The following INO80D variants were observed in gnomAD, a reference collection of about 807,000 sequenced individuals.
INO80D encodes the protein INO80 complex subunit D.
In INO80D, 21 loss-of-function variants were observed where a neutral mutation model predicts 87.6. The ratio of observed to expected loss-of-function variants is 0.24; its 90% CI spans 0.17 to 0.35. The LOEUF is 0.35. Ranked by LOEUF, INO80D falls within the 10% of genes least tolerant of loss-of-function variation. INO80D has a pLI of 1.00. For synonymous variants in INO80D, 440 were observed against 491.0 expected (o/e 0.90, Z 1.37); for missense variants, 982 against 1,280.7 (o/e 0.77, Z 3.56).
chr2:206,020,119 C>G (rs934852428), intron 6 of INO80D, among the ~76,000 whole-genome samples: 4 of 151,294 alleles, frequency 2.6e-5, no homozygotes, highest in African/African-American at 9.7e-5. Flanking sequence ...TTTTATTTCC[C>G]TTTTCTTCAC....
In INO80D at chr2:206,056,280, G is replaced by A; in HGVS notation, c.882C>T (p.Phe294=). Residue 294 remains phenylalanine, a synonymous_variant, in exon 4 of 11, where the codon TTC becomes TTT. Coordinates refer to ENST00000403263, the MANE Select transcript of INO80D (RefSeq NM_017759.5). ...GTCTCTGCAGTCGGCTTATACATGA[G>A]AAGTGTGGAGAGAAGGCTGTGGCTT... ...LMKATAFSPH[F]SCISRLQRLV... 2 of 1,613,964 alleles carry A rather than the reference G, an allele frequency of 1.2e-6. No homozygotes were observed. Among genetic ancestry groups the A allele is most frequent in the South Asian group, 2.2e-5 (2 of 91,062 alleles).
At chr2:206,084,527 A>G (rs11693920) in intron 1 of INO80D, 41,496 of 152,076 alleles carry the variant, frequency 0.27, 6,504 homozygotes, top group African/African-American at 0.43. Flanking sequence ...CTTCCAAGCC[A>G]TCTGACAACC....
chr2:206,046,791 T>C (rs944701782), intron 4 of INO80D, among the ~76,000 whole-genome samples, 179 bp from the exon 5 acceptor site: 4 of 152,222 alleles, frequency 2.6e-5, no homozygotes, highest in Non-Finnish European at 5.9e-5. Flanking sequence ...GGTTTGTTTT[T>C]GTTTTTGTTT....
At position 206,056,339 on chromosome 2, in the gene INO80D, C is replaced by T; in HGVS notation, c.823G>A (p.Val275Met). 2 of 1,613,946 alleles carry T rather than the reference C, an allele frequency of 1.2e-6. No individual in the cohort carries two copies. The highest frequency in any genetic ancestry group is 1.7e-6 in the Non-Finnish European group (2 of 1,179,878). The change falls in exon 4 of 11, where the codon GTG becomes ATG. Residue 275 changes from valine to methionine, a missense_variant. Coordinates refer to ENST00000403263, the MANE Select transcript of INO80D (RefSeq NM_017759.5). The part of the protein sequence containing the change: ...PLLPSSRAPT[V>M]DPPRTDRILM... ...ATCCGGTCAGTCCTGGGTGGGTCCA[C>T]AGTGGGAGCCCTACTGGATGGCAGG...
At chr2:206,028,452 G>C (rs1194142014) in intron 5 of INO80D, 117 bp from the exon 6 acceptor site, 3 of 696,820 alleles carry the variant, frequency 4.3e-6, no homozygotes, top group Non-Finnish European at 7.2e-6. Flanking sequence ...TTTGTGGCAT[G>C]TGAGCACATA....
At chr2:206,045,994 C>T (rs1689183933) in intron 5 of INO80D, among the ~76,000 whole-genome samples, 1 of 152,128 alleles carries the variant, frequency 6.6e-6, no homozygotes, top group South Asian at 2.1e-4. Flanking sequence ...ATAATTAATT[C>T]CTTTAATGAT....
intron 6 of INO80D, among the ~76,000 whole-genome samples, chr2:206,026,590 T>C (rs921647126): frequency 4.6e-5 from 7 of 150,830 alleles, no homozygotes; most frequent in Admixed American, 1.3e-4. Context: ...TTAAAATATA[T>C]ATAAAAAACA....
At chr2:206,011,159 C>G (rs1049661648) in intron 8 of INO80D, among the ~76,000 whole-genome samples, 4 of 151,812 alleles carry the variant, frequency 2.6e-5, no homozygotes, top group Admixed American at 2.0e-4. Context: ...TGTATTATGT[C>G]CACTATTTAA....
chr2:206,028,186 T>A lies in INO80D; in HGVS notation c.1223A>T (p.Gln408Leu), dbSNP rs530428902. 6.2e-7 allele frequency: 1 copy of A among 1,603,948 alleles called. No individual in the cohort carries two copies. Among genetic ancestry groups the A allele is most frequent in the East Asian group, 2.2e-5 (1 of 44,574 alleles). The change falls in exon 6 of 11, where the codon CAG (glutamine) becomes CTG (leucine). Residue 408 changes from glutamine (Q) to leucine (L), a missense_variant. Transcript: ENST00000403263. ...CRHTFRKALL[Q>L]AASKEPECTG... ...GCATTCTGGTTCTTTACTGGCCGCC[T>A]GCAGCAAAGCTTTCCTAAACGTATG...
chr2:206,026,124 C>T (rs13003004), intron 6 of INO80D, among the ~76,000 whole-genome samples: 41,610 of 151,894 alleles, frequency 0.27, 6,645 homozygotes, highest in Non-Finnish European at 0.35. Context: ...ATCTCGAATT[C>T]GTGACCTCAA....
At chr2:206,051,259 C>G (rs770221046) in intron 4 of INO80D, among the ~76,000 whole-genome samples, 21 of 151,552 alleles carry the variant, frequency 1.4e-4, no homozygotes, top group Non-Finnish European at 2.5e-4. Context: ...GACGGGGTCT[C>G]AGCTCTGTCG....
At position 206,005,077 on chromosome 2, in the gene INO80D, T is replaced by C. The variant is rs775540134; in HGVS notation, c.2375A>G (p.His792Arg). The change falls in exon 11 of 11, where the codon CAT (histidine) becomes CGT (arginine). Residue 792 changes from histidine to arginine, a missense_variant. Coordinates refer to ENST00000403263, the MANE Select transcript of INO80D (RefSeq NM_017759.5). ...GGCAGGATGTGGCCTCTGGGAGGCA[T>C]GGCTGCCGTCATGAAGTCCATGAAA... The part of the protein sequence containing the change: ...GQFHGLHDGS[H>R]ASQRPHPAQL... 1.2e-6 allele frequency: 2 copies of C among 1,613,976 alleles called. No homozygotes were observed. The highest frequency in any genetic ancestry group is 1.7e-6 in the Non-Finnish European group (2 of 1,179,886).
intron 5 of INO80D, among the ~76,000 whole-genome samples, chr2:206,044,553 T>G (rs1008124707): frequency 1.4e-5 from 2 of 143,246 alleles, no homozygotes; most frequent in African/African-American, 5.1e-5. Context: ...ATCGTAGTAA[T>G]CAAAGAGGAA....
In INO80D at chr2:206,056,960, T is replaced by C. The variant is rs938012428; in HGVS notation, c.219-17A>G. On this transcript the variant is annotated splice_polypyrimidine_tract_variant and intron_variant, in intron 3 of 10. Coordinates refer to ENST00000403263, the MANE Select transcript of INO80D (RefSeq NM_017759.5). ...TTGCAGTACCTTTAAAATACACACA[T>C]ACATGGGAAAACAGTCATGATACAT... 1 of 1,551,138 alleles carries C rather than the reference T, an allele frequency of 6.4e-7. No individual in the cohort carries two copies. The highest frequency in any genetic ancestry group is 1.4e-5 in the African/African-American group (1 of 72,880).
At chr2:206,024,319 G>C (rs1280736372) in intron 6 of INO80D, among the ~76,000 whole-genome samples, 1 of 152,144 alleles carries the variant, frequency 6.6e-6, no homozygotes, top group African/African-American at 2.4e-5. Context: ...CAATGAAACA[G>C]AGTACAGAGC....
intron 4 of INO80D, among the ~76,000 whole-genome samples, chr2:206,050,374 C>A (rs1403209336): frequency 6.6e-6 from 1 of 151,504 alleles, no homozygotes; most frequent in African/African-American, 2.4e-5. Flanking sequence ...CGCCTGTAGT[C>A]CCAGCTACTC....
intron 3 of INO80D, among the ~76,000 whole-genome samples, chr2:206,061,058 A>AG (rs1291938735): frequency 6.6e-6 from 1 of 151,904 alleles, no homozygotes; most frequent in African/African-American, 2.4e-5. Context: ...CAGTTGCCCA[A>AG]GCTGGAGTAT....
Position 205,998,452 on chromosome 2 carries a change from A to T in INO80D, c.*5916T>A, listed in dbSNP as rs1687847453. The T allele has an allele frequency of 1.7e-5, 1 of 59,364 alleles. No individual in the cohort carries two copies. Among genetic ancestry groups the T allele is most frequent in the Non-Finnish European group, 4.3e-5 (1 of 23,008 alleles). The allele number at this position is 59,364 out of a possible 1,614,324, so 3.7% of individuals were successfully genotyped here. On this transcript the variant is annotated 3_prime_UTR_variant, in exon 11 of 11. Transcript: ENST00000403263. ...GGTGCTTCACTAGTTTGTTTTGTCA[A>T]AAAAAAAAAAAAAAAAAAAAGCTCA...
At chr2:206,045,164 C>T (rs1259869066) in intron 5 of INO80D, among the ~76,000 whole-genome samples, 1 of 152,280 alleles carries the variant, frequency 6.6e-6, no homozygotes, top group Non-Finnish European at 1.5e-5. Flanking sequence ...TGCTCTAATT[C>T]CATGTCCAAA....
Sources: allele counts gnomAD v4.1 joint callset (sites outside exome capture counted in the v4.1 genomes callset), GRCh38; gene constraint gnomAD v4.1.1; transcripts MANE v1.5; gene names NCBI Gene and HGNC (gene_info 2026-07-23, HGNC 2026-07-21).